Variants in MARCHF2 observed in about 807,000 individuals in gnomAD.
MARCHF2 encodes the protein membrane associated ring-CH-type finger 2.
MARCHF2 carries 22 observed loss-of-function variants against 24.0 expected under a neutral mutation model. The observed-to-expected ratio is 0.92, with a 90% confidence interval of 0.66 to 1.31. The LOEUF is 1.31. MARCHF2 is among the 50% of genes most tolerant of loss of function. The pLI is 0.00. For synonymous variants in MARCHF2, 154 were observed against 153.0 expected (o/e 1.01, Z -0.05); for missense variants, 301 against 335.3 (o/e 0.90, Z 0.80).
intron 4 of MARCHF2, among the ~76,000 whole-genome samples, chr19:8,437,852 C>T (rs1267472063): frequency 6.6e-6 from 1 of 152,040 alleles, no homozygotes; most frequent in African/African-American, 2.4e-5. Context: ...TCAGGCGATT[C>T]TCCTGCCTCA....
rs1967609714 is a variant in MARCHF2, at chr19:8,432,479, A to G, written c.582+1612A>G. Reference sequence around the variant, plus strand: ...TAGACTAGCAGGGCAACTTAGGGAGACCCCATCTCTACAAAAGGAAAATAA... The same window carrying G: ...TAGACTAGCAGGGCAACTTAGGGAGGCCCCATCTCTACAAAAGGAAAATAA... On this transcript the variant is annotated intron_variant, in intron 4 of 4. Coordinates refer to ENST00000215555, the MANE Select transcript of MARCHF2 (RefSeq NM_001005415.2). Among the ~76,000 whole-genome samples, 2 of 151,934 alleles carry G rather than the reference A, an allele frequency of 1.3e-5. 1 individual carries two copies. Among genetic ancestry groups the G allele is most frequent in the South Asian group, 4.2e-4 (2 of 4,812 alleles).
intron 2 of MARCHF2, among the ~76,000 whole-genome samples, chr19:8,423,985 CAAAAAA>C (rs142383974): frequency 1.9e-5 from 2 of 104,910 alleles, no homozygotes; most frequent in East Asian, 6.1e-4. Flanking sequence ...CTGGGTGACT[CAAAAAA>C]AAAAAAAAAA....
At chr19:8,424,590 C>A (rs1394490012) in intron 2 of MARCHF2, among the ~76,000 whole-genome samples, 1 of 151,848 alleles carries the variant, frequency 6.6e-6, no homozygotes, top group Non-Finnish European at 1.5e-5. Context: ...TGGCATGAAC[C>A]TGGGAGGTCG....
rs1397242320 is a variant in MARCHF2 at position 8,430,903 on chromosome 19, C to T, written c.582+36C>T. On this transcript the variant is annotated intron_variant, in intron 4 of 4. Transcript: ENST00000215555. This position sits in a 1 kb window ranked among gnomAD's most constrained non-coding sequence, Gnocchi z 4.4. ...GTGGTTGTGCAGCACGCGTCTCGAG[C>T]TCTGCCGCTGGGAGCAGCAGGGCCA... is the stretch of plus-strand genomic sequence containing the variant. 1 of 1,531,876 alleles carries T rather than the reference C, an allele frequency of 6.5e-7. No homozygotes were observed. Among genetic ancestry groups the T allele is most frequent in the Admixed American group, 2.0e-5 (1 of 50,808 alleles). The allele number at this position is 1,531,876 out of a possible 1,614,324, so 94.9% of individuals were successfully genotyped here.
intron 4 of MARCHF2, among the ~76,000 whole-genome samples, chr19:8,432,811 G>A (rs1185473022): frequency 6.6e-6 from 1 of 151,862 alleles, no homozygotes; most frequent in Non-Finnish European, 1.5e-5. Context: ...AAAAAGCCTG[G>A]GTGCAGTGCT....
At chr19:8,420,347 T>TC (rs1568235558) in intron 1 of MARCHF2, among the ~76,000 whole-genome samples, 52 of 127,392 alleles carry the variant, frequency 4.1e-4, no homozygotes, top group East Asian at 1.5e-3. Flanking sequence ...AAACTCCATC[T>TC]TAAAAAAAAA....
chr19:8,420,617 G>C (rs575182407), intron 1 of MARCHF2, among the ~76,000 whole-genome samples: 24 of 151,980 alleles, frequency 1.6e-4, no homozygotes, highest in African/African-American at 5.8e-4. Flanking sequence ...CCTGGCCCTG[G>C]AGGCTTTGAG....
Position 8,430,822 on chromosome 19 carries a change from T to C in MARCHF2, c.537T>C (p.Ile179=). The change falls in exon 4 of 5, where the codon ATT becomes ATC. Residue 179 remains isoleucine, a synonymous_variant. Transcript: ENST00000215555. This position sits in a 1 kb window ranked among gnomAD's most constrained non-coding sequence, Gnocchi z 4.4. ...LHSQLEAVGL[I]ALTIALFTIY... is the part of the protein sequence containing the mutation. The stretch of plus-strand genomic sequence containing the variant: ...GCCAGCTGGAGGCCGTGGGTCTCAT[T>C]GCCCTCACCATCGCCCTCTTCACCA... The C allele has an allele frequency of 6.2e-7, 1 of 1,610,758 alleles. No homozygotes were observed. The highest frequency in any genetic ancestry group is 8.5e-7 in the Non-Finnish European group (1 of 1,179,958).
intron 4 of MARCHF2, among the ~76,000 whole-genome samples, chr19:8,437,354 T>C (rs1338490596): frequency 6.8e-6 from 1 of 147,562 alleles, no homozygotes; most frequent in Non-Finnish European, 1.5e-5. Flanking sequence ...CACCTATTTT[T>C]TTTTTTTTTT....
At chr19:8,426,487 GA>G (rs1967404614) in intron 2 of MARCHF2, 121 bp from the exon 3 acceptor site, 3 of 733,116 alleles carry the variant, frequency 4.1e-6, no homozygotes, top group Middle Eastern at 5.5e-4. Flanking sequence ...GGCATTGAAG[GA>G]TGAGTAGGAG....
At chr19:8,417,860 T>A (rs1461570925) in intron 1 of MARCHF2, among the ~76,000 whole-genome samples, 1 of 139,478 alleles carries the variant, frequency 7.2e-6, no homozygotes, top group Non-Finnish European at 1.5e-5. Context: ...CCTCCCAGGT[T>A]CAAGTGATTC....
rs541426453 is a variant in MARCHF2, at chr19:8,430,324, C to T, written c.373-334C>T. On this transcript the variant is annotated intron_variant, in intron 3 of 4. Transcript: ENST00000215555. This position sits in a 1 kb window ranked among gnomAD's most constrained non-coding sequence, Gnocchi z 4.4. ...GTTGCAGTGAGCCGAGATCGTGCCA[C>T]GGCACTCCAGCCTGGCTGACAGAGC... is the stretch of plus-strand genomic sequence containing the variant. Among the ~76,000 whole-genome samples the T allele has an allele frequency of 8.1e-4, 122 of 151,032 alleles. No homozygotes were observed. The highest frequency in any genetic ancestry group is 2.9e-3 in the African/African-American group (120 of 41,124).
In MARCHF2 at chr19:8,422,017, G is replaced by A; in HGVS notation, c.176+1G>A. On this transcript the variant is annotated splice_donor_variant, in intron 2 of 4. Transcript: ENST00000215555. LOFTEE classifies it high-confidence loss of function. ...TCATCCGTGCCTTGGACACACCGAG[G>A]TGAGTGGTGACTGCGTGGATATCCT... The A allele has an allele frequency of 1.9e-6, 3 of 1,606,398 alleles. No individual in the cohort carries two copies. The highest frequency in any genetic ancestry group is 1.1e-5 in the South Asian group (1 of 90,030).
chr19:8,433,674 TCAAAA>T (rs1967637832), intron 4 of MARCHF2, among the ~76,000 whole-genome samples: 1 of 69,292 alleles, frequency 1.4e-5, no homozygotes, highest in Non-Finnish European at 2.6e-5. Flanking sequence ...AGACTCCGTC[TCAAAA>T]AAAAAAAAAA....
intron 3 of MARCHF2, among the ~76,000 whole-genome samples, chr19:8,428,309 A>T (rs544551527): frequency 4.0e-5 from 6 of 149,690 alleles, no homozygotes; most frequent in Admixed American, 2.0e-4. Context: ...AATCCCATCC[A>T]CTAGGGAGGC....
At chr19:8,437,015 A>C (rs1967744131) in intron 4 of MARCHF2, among the ~76,000 whole-genome samples, 1 of 141,960 alleles carries the variant, frequency 7.0e-6, no homozygotes, top group East Asian at 2.1e-4. Flanking sequence ...TTGAGACAGG[A>C]TCTCACTCTG....
intron 2 of MARCHF2, 150 bp downstream of exon 2, chr19:8,422,166 T>C: frequency 1.2e-6 from 1 of 826,750 alleles, no homozygotes; most frequent in Non-Finnish European, 1.8e-6. Context: ...TATCGCCTTG[T>C]GGAAACAGAG....
intron 4 of MARCHF2, 151 bp from the exon 5 acceptor site, chr19:8,438,237 T>G: frequency 2.6e-6 from 2 of 767,034 alleles, no homozygotes; most frequent in South Asian, 3.3e-5. Context: ...TCTGTGTGTG[T>G]GCACTTTGTG....
At chr19:8,427,197 G>A (rs923216995) in intron 3 of MARCHF2, among the ~76,000 whole-genome samples, 15 of 152,142 alleles carry the variant, frequency 9.9e-5, no homozygotes, top group African/African-American at 3.6e-4. Context: ...ACAGGCGTGC[G>A]CCACCATGCC....
Sources: allele counts gnomAD v4.1 joint callset (sites outside exome capture counted in the v4.1 genomes callset), GRCh38; gene constraint gnomAD v4.1.1; non-coding constraint Gnocchi (gnomAD v3.1); transcripts MANE v1.5; gene names NCBI Gene and HGNC (gene_info 2026-07-23, HGNC 2026-07-21).